Variants in ERAP1 observed in about 807,000 individuals in gnomAD.
ERAP1 encodes the protein adipocyte-derived leucine aminopeptidase.
ERAP1 carries 86 observed loss-of-function variants against 103.7 expected under a neutral mutation model. The observed-to-expected ratio is 0.83, with a 90% CI of 0.70 to 0.99. ERAP1 has a LOEUF of 0.99. Ranked by LOEUF, ERAP1 falls within the 50% of genes least tolerant of loss-of-function variation. ERAP1 has a pLI of 0.00. For missense variants in ERAP1, 1,009 were observed against 1,128.4 expected (o/e 0.89, Z 1.52); for synonymous variants, 398 against 402.4 (o/e 0.99, Z 0.13).
intron 19 of ERAP1, among the ~76,000 whole-genome samples, chr5:96,767,035 T>G (rs1770248146): frequency 6.6e-6 from 1 of 152,232 alleles, no homozygotes; most frequent in African/African-American, 2.4e-5. Context: ...AATTTATTAT[T>G]TAAGGCCCTT....
At chr5:96,916,217 T>C in the ERAP1 span, among the ~76,000 whole-genome samples, 14 of 143,660 alleles carry the variant, frequency 9.7e-5, no homozygotes, top group Non-Finnish European at 2.1e-4. Flanking sequence ...TGAGACTCCA[T>C]CTCAAAAAAA....
the ERAP1 span, chr5:96,892,510 C>T: frequency 6.3e-7 from 1 of 1,584,786 alleles, no homozygotes; most frequent in East Asian, 2.2e-5. Flanking sequence ...TTATATAGAA[C>T]ACGACCAATC....
the ERAP1 span, among the ~76,000 whole-genome samples, chr5:96,815,940 A>T: frequency 6.6e-6 from 1 of 152,190 alleles, no homozygotes; most frequent in Non-Finnish European, 1.5e-5. Context: ...AAATGGAAAG[A>T]TAGAGATCGA....
the ERAP1 span, among the ~76,000 whole-genome samples, chr5:96,837,794 T>C: frequency 6.6e-6 from 1 of 152,094 alleles, no homozygotes; most frequent in African/African-American, 2.4e-5. Flanking sequence ...AAATTAAAGA[T>C]GGTAAATGCG....
the ERAP1 span, among the ~76,000 whole-genome samples, chr5:96,819,278 C>T: frequency 2.6e-5 from 4 of 152,196 alleles, no homozygotes; most frequent in Non-Finnish European, 4.4e-5. Flanking sequence ...TAACATCACT[C>T]AATTTCAGGT....
chr5:96,897,123 G>T, the ERAP1 span, among the ~76,000 whole-genome samples: 2 of 152,200 alleles, frequency 1.3e-5, no homozygotes, highest in Admixed American at 6.5e-5. Flanking sequence ...ACACTTTTAT[G>T]TTCCCTTGAT....
chr5:96,908,306 G>A, the ERAP1 span, among the ~76,000 whole-genome samples: 8 of 152,276 alleles, frequency 5.3e-5, no homozygotes, highest in East Asian at 1.9e-4. Flanking sequence ...ATAATCGTTC[G>A]TTTCCTCTAC....
chr5:96,892,381 T>C, the ERAP1 span: 1 of 1,614,100 alleles, frequency 6.2e-7, no homozygotes, highest in Non-Finnish European at 8.5e-7. Context: ...CACTGCTTTT[T>C]GACCCCAAGA....
At chr5:96,870,843 C>G in the ERAP1 span, among the ~76,000 whole-genome samples, 1 of 152,188 alleles carries the variant, frequency 6.6e-6, no homozygotes, top group African/African-American at 2.4e-5. Context: ...AGGTAAGACA[C>G]TTTAGCACAC....
the ERAP1 span, among the ~76,000 whole-genome samples, chr5:96,895,642 G>C: frequency 4.6e-5 from 7 of 152,170 alleles, no homozygotes; most frequent in Admixed American, 3.3e-4. Context: ...GAACATCACT[G>C]TTTGTATACA....
chr5:96,891,022 T>C, the ERAP1 span, among the ~76,000 whole-genome samples: 1 of 152,138 alleles, frequency 6.6e-6, no homozygotes, highest in East Asian at 1.9e-4. Context: ...AAATCATCAA[T>C]GCGATTTAGA....
the ERAP1 span, among the ~76,000 whole-genome samples, chr5:96,879,290 A>G: frequency 1.1e-4 from 17 of 152,228 alleles, no homozygotes; most frequent in Non-Finnish European, 2.9e-5. Flanking sequence ...CATGCAATGA[A>G]TTTACACACC....
chr5:96,848,005 C>CAA, the ERAP1 span, among the ~76,000 whole-genome samples: 8 of 148,808 alleles, frequency 5.4e-5, no homozygotes, highest in Non-Finnish European at 7.5e-5. Flanking sequence ...ACTAGAAAAA[C>CAA]AAAAAAAAAA....
At chr5:96,901,734 A>C in the ERAP1 span, 1 of 1,563,866 alleles carries the variant, frequency 6.4e-7, no homozygotes, top group Admixed American at 1.9e-5. Flanking sequence ...TTTCCTCGTT[A>C]TTTCCTTAGC....
chr5:96,922,758 T>A, the ERAP1 span, among the ~76,000 whole-genome samples: 1 of 152,240 alleles, frequency 6.6e-6, no homozygotes, highest in Non-Finnish European at 1.5e-5. Context: ...AAGTTGTTAG[T>A]GAAAGAGGCT....
the ERAP1 span, among the ~76,000 whole-genome samples, chr5:96,882,365 C>A: frequency 1.1e-4 from 16 of 152,254 alleles, no homozygotes; most frequent in African/African-American, 3.9e-4. Context: ...GCATGCCTCC[C>A]GTGATTAATT....
chr5:96,823,216 T>C, the ERAP1 span: 1 of 438,612 alleles, frequency 2.3e-6, no homozygotes, highest in East Asian at 7.1e-5. Context: ...CCTGTCACCT[T>C]TGTCATATTC....
At chr5:96,867,172 A>G in the ERAP1 span, among the ~76,000 whole-genome samples, 2 of 151,652 alleles carry the variant, frequency 1.3e-5, no homozygotes, top group East Asian at 1.9e-4. Flanking sequence ...ATGCCCAGCT[A>G]ATTTTTGTAT....
the ERAP1 span, among the ~76,000 whole-genome samples, chr5:96,833,153 A>T: frequency 6.6e-6 from 1 of 152,228 alleles, no homozygotes; most frequent in Non-Finnish European, 1.5e-5. Flanking sequence ...ACTTTGTTAC[A>T]GCAGCCTAAA....
Sources: allele counts gnomAD v4.1 joint callset (sites outside exome capture counted in the v4.1 genomes callset), GRCh38; gene constraint gnomAD v4.1.1; transcripts MANE v1.5; gene names NCBI Gene and HGNC (gene_info 2026-07-23, HGNC 2026-07-21).